Variants in SLC35A3 observed in about 807,000 individuals in gnomAD.
SLC35A3 encodes UDP-N-acetylglucosamine transporter.
A neutral mutation model predicts 39.0 loss-of-function variants in SLC35A3; 26 were observed. That is an observed-to-expected ratio of 0.67 (90% CI 0.49 to 0.92). The LOEUF (loss-of-function observed/expected upper bound fraction) is 0.92, where lower values mean the gene tolerates loss of function less well. Ranked by LOEUF, SLC35A3 falls within the 40% of genes least tolerant of loss-of-function variation. The pLI is 0.00. For missense variants in SLC35A3, 299 were observed against 371.6 expected, an observed-to-expected ratio of 0.80 and a Z score of 1.61; for synonymous variants, 135 against 133.1, an observed-to-expected ratio of 1.01 and a Z score of -0.10.
intron 1 of SLC35A3, among the ~76,000 whole-genome samples, chr1:99,975,304 T>C (rs922329962): frequency 1.3e-5 from 2 of 152,140 alleles, no homozygotes; most frequent in South Asian, 2.1e-4. Context: ...ACAATAAATA[T>C]TGTGGCGTTT....
intron 1 of SLC35A3, among the ~76,000 whole-genome samples, chr1:99,980,852 C>T (rs976917475): frequency 2.0e-5 from 3 of 152,078 alleles, no homozygotes; most frequent in Non-Finnish European, 4.4e-5. Flanking sequence ...ATATCTGTAG[C>T]GTAAATTACT....
At chr1:100,010,705 C>T (rs1659569689) in intron 4 of SLC35A3, among the ~76,000 whole-genome samples, 1 of 152,040 alleles carries the variant, frequency 6.6e-6, no homozygotes, top group Admixed American at 6.6e-5. Flanking sequence ...AGAAGTCCAG[C>T]TAGTAGAAGA....
At chr1:99,978,479 G>A (rs1229121494) in intron 1 of SLC35A3, among the ~76,000 whole-genome samples, 1 of 152,176 alleles carries the variant, frequency 6.6e-6, no homozygotes, top group East Asian at 1.9e-4. Flanking sequence ...GTGAGCCGTG[G>A]CATGCCACTG....
rs1657336152 is a variant in SLC35A3 at position 99,979,712 on chromosome 1, A to G, written c.-19+9550A>G. 2.7e-5 allele frequency among the ~76,000 whole-genome samples: 4 copies of G among 147,358 alleles called. 1 individual carries two copies. The South Asian group carries it at 6.9e-4, about 26-fold the overall frequency. The stretch of plus-strand genomic sequence containing the variant: ...GCTTCCCAAAGTGCTGGGATTACAG[A>G]CGTGAGCCACCGCGCCTGGCCTCCT... On this transcript the variant is annotated intron_variant, in intron 1 of 7. Transcript: ENST00000533028.
chr1:100,013,914 C>A (rs1346244804), intron 5 of SLC35A3, among the ~76,000 whole-genome samples: 1 of 152,112 alleles, frequency 6.6e-6, no homozygotes, highest in South Asian at 2.1e-4. Context: ...AATTGCTTTA[C>A]GCTTGCACTC....
Position 100,026,494 on chromosome 1 carries a change from A to G in SLC35A3, c.*4018A>G, listed in dbSNP as rs1446575547. 1 of 152,166 alleles carries G rather than the reference A, an allele frequency of 6.6e-6. No individual in the cohort carries two copies. The highest frequency in any genetic ancestry group is 1.5e-5 in the Non-Finnish European group (1 of 68,018). 9.4% of individuals were successfully genotyped at this position (152,166 alleles called of 1,614,324 possible). ...TCACAACTGTAGACACATGGGCAAAATTAGGATTTTTAAGAATAAATACAT... is the reference window on the plus strand; with the variant it reads ...TCACAACTGTAGACACATGGGCAAAGTTAGGATTTTTAAGAATAAATACAT... On this transcript the variant is annotated 3_prime_UTR_variant, in exon 8 of 8. Transcript: ENST00000533028.
At chr1:100,015,280 T>G in intron 5 of SLC35A3, 22 bp from the exon 6 acceptor site, 2 of 1,585,308 alleles carry the variant, frequency 1.3e-6, no homozygotes. Flanking sequence ...CGATATATCA[T>G]GTAGACTTTA....
chr1:100,020,463 A>C (rs1445584404), intron 7 of SLC35A3, among the ~76,000 whole-genome samples: 1 of 152,246 alleles, frequency 6.6e-6, no homozygotes, highest in Non-Finnish European at 1.5e-5. Flanking sequence ...AATAATTACC[A>C]ATATTAATGT....
intron 4 of SLC35A3, among the ~76,000 whole-genome samples, chr1:100,010,213 G>A (rs1659531996): frequency 1.3e-5 from 2 of 152,170 alleles, no homozygotes; most frequent in South Asian, 4.1e-4. Context: ...GATTGGAGGA[G>A]AGAACACGGA....
intron 1 of SLC35A3, among the ~76,000 whole-genome samples, chr1:99,976,794 A>C (rs1293465526): frequency 6.6e-6 from 1 of 152,180 alleles, no homozygotes; most frequent in Non-Finnish European, 1.5e-5. Flanking sequence ...CACAATAGAC[A>C]TTGAGGTCTA....
rs1267017127 is a variant in SLC35A3 at position 99,999,412 on chromosome 1, T to C, written c.339T>C (p.Tyr113=). 1.3e-6 allele frequency: 2 copies of C among 1,577,870 alleles called. No individual in the cohort carries two copies. The highest frequency in any genetic ancestry group is 2.0e-5 in the Admixed American group (1 of 50,318). Residue 113 remains tyrosine (Y), a synonymous_variant, in exon 3 of 8, where the codon TAT becomes TAC. Transcript: ENST00000533028. ...TATCAAATCTAGATGCAGCTACTTA[T>C]CAGGTACTTAAAATACATTTCTTTC... The part of the protein sequence containing the change: ...VALSNLDAAT[Y]QVTYQLKILT...
chr1:100,013,316 AAT>A (rs1177755700), intron 5 of SLC35A3, among the ~76,000 whole-genome samples: 5 of 150,966 alleles, frequency 3.3e-5, no homozygotes, highest in South Asian at 2.1e-4. Flanking sequence ...GTTTCTTAAA[AAT>A]ATATATATAT....
chr1:99,988,222 C>G (rs767158272), intron 1 of SLC35A3, among the ~76,000 whole-genome samples: 7 of 152,128 alleles, frequency 4.6e-5, no homozygotes, highest in Admixed American at 2.6e-4. Flanking sequence ...AAATTTGCAT[C>G]TGTCACTATA....
At chr1:100,003,864 C>T (rs1659006142) in intron 3 of SLC35A3, among the ~76,000 whole-genome samples, 1 of 152,108 alleles carries the variant, frequency 6.6e-6, no homozygotes, top group African/African-American at 2.4e-5. Flanking sequence ...ATCCCTTTAT[C>T]ATGATATAAT....
chr1:99,993,585 G>C lies in SLC35A3; in HGVS notation c.31G>C (p.Gly11Arg). ...CGCCAACCTAAAATACGTTTCCCTGGGAATTTTGGTCTTTCAGACTACCAG... is the reference window on the plus strand; with the variant it reads ...CGCCAACCTAAAATACGTTTCCCTGCGAATTTTGGTCTTTCAGACTACCAG... The part of the protein sequence containing the change: MFANLKYVSL[G>R]ILVFQTTSLV... The change falls in exon 2 of 8, where the codon GGA becomes CGA. Residue 11 changes from glycine to arginine, a missense_variant. Transcript: ENST00000533028. 6.2e-7 allele frequency: 1 copy of C among 1,613,510 alleles called. No homozygotes were observed. The highest frequency in any genetic ancestry group is 8.5e-7 in the Non-Finnish European group (1 of 1,179,794).
chr1:99,991,474 A>C (rs1008986791), intron 1 of SLC35A3, among the ~76,000 whole-genome samples: 5 of 152,164 alleles, frequency 3.3e-5, no homozygotes, highest in African/African-American at 1.2e-4. Flanking sequence ...TTTTATAGTA[A>C]GTCTGGAAGT....
chr1:100,009,108 G>C (rs1659447987), intron 4 of SLC35A3: 2 of 152,082 alleles, frequency 1.3e-5, no homozygotes, highest in African/African-American at 4.8e-5. Context: ...TGCCCACTTG[G>C]TACTTATCTT....
intron 4 of SLC35A3, chr1:100,008,252 A>G (rs1332316231): frequency 6.6e-6 from 1 of 152,190 alleles, no homozygotes; most frequent in Non-Finnish European, 1.5e-5. Flanking sequence ...TACCCAGCCT[A>G]ATATTTTTCA....
At chr1:100,002,692 C>CTTAT (rs1658891466) in intron 3 of SLC35A3, among the ~76,000 whole-genome samples, 1 of 152,192 alleles carries the variant, frequency 6.6e-6, no homozygotes, top group African/African-American at 2.4e-5. Context: ...TCTTAGCTTA[C>CTTAT]TGCAGCCTCA....
Sources: gnomAD v4.1 joint callset for allele counts (sites outside exome capture counted in the v4.1 genomes callset) on GRCh38, gnomAD v4.1.1 for gene constraint, MANE v1.5 for transcripts, NCBI Gene and HGNC (gene_info 2026-07-23, HGNC 2026-07-21) for gene names.